Variants in NALF1 observed in about 807,000 individuals in gnomAD.
NALF1 encodes NALCN channel auxiliary factor 1, also known as family with sequence similarity 155 member A.
NALF1 carries 3 observed loss-of-function variants against 48.4 expected under a neutral mutation model. That is an observed-to-expected ratio of 0.06 (90% CI 0.03 to 0.16). NALF1 has a LOEUF of 0.16. Ranked by LOEUF, NALF1 falls within the 10% of genes least tolerant of loss-of-function variation. NALF1 has a pLI of 1.00. For synonymous variants in NALF1, 262 were observed against 245.7 expected (o/e 1.07, Z -0.62); for missense variants, 526 against 571.5 (o/e 0.92, Z 0.81).
intron 1 of NALF1, among the ~76,000 whole-genome samples, chr13:107,853,834 G>A (rs1206860912): frequency 1.3e-5 from 2 of 152,094 alleles, no homozygotes; most frequent in Non-Finnish European, 2.9e-5. Context: ...TAAAAAGTTT[G>A]ATTTTTTCAA....
intron 1 of NALF1, among the ~76,000 whole-genome samples, chr13:107,576,115 C>T (rs1878139665): frequency 6.6e-6 from 1 of 152,082 alleles, no homozygotes; most frequent in African/African-American, 2.4e-5. Flanking sequence ...CAGGATCAAA[C>T]CTCATTATGT....
rs139984816 is a variant in NALF1 at position 107,267,091 on chromosome 13, G to A, written c.916-56336C>T. On this transcript the variant is annotated intron_variant, in intron 1 of 2. Coordinates refer to ENST00000375915, the MANE Select transcript of NALF1 (RefSeq NM_001080396.3). ...CTGTAGGGCCAGGTATACAATTCAA[G>A]TTTCCCCATAAGCACTTGGCTCTTG... Among the ~76,000 whole-genome samples, 9 of 152,322 alleles carry A rather than the reference G, an allele frequency of 5.9e-5. 1 individual carries two copies. In the East Asian group the frequency reaches 1.5e-3, roughly 26 times the overall value.
intron 1 of NALF1, among the ~76,000 whole-genome samples, chr13:107,266,115 C>T (rs1302828296): frequency 1.3e-5 from 2 of 152,104 alleles, no homozygotes; most frequent in African/African-American, 4.8e-5. Flanking sequence ...GCAATCAGGG[C>T]GACGTAACAT....
chr13:107,441,272 T>C (rs759957526), intron 1 of NALF1, among the ~76,000 whole-genome samples: 10 of 152,204 alleles, frequency 6.6e-5, no homozygotes, highest in Non-Finnish European at 1.5e-4. Context: ...AGACCAGACA[T>C]GACCACCTGA....
intron 1 of NALF1, among the ~76,000 whole-genome samples, chr13:107,861,162 A>T (rs1431505599): frequency 1.3e-5 from 2 of 152,220 alleles, no homozygotes; most frequent in African/African-American, 2.4e-5. Context: ...TAAACCATAA[A>T]CTAAAATGAT....
chr13:107,732,864 G>A (rs934717213), intron 1 of NALF1, among the ~76,000 whole-genome samples: 5 of 151,950 alleles, frequency 3.3e-5, no homozygotes, highest in South Asian at 2.1e-4. Context: ...TTCACTCTTC[G>A]TCCATAAAGA....
intron 1 of NALF1, among the ~76,000 whole-genome samples, chr13:107,597,551 CT>C (rs1265361074): frequency 6.6e-6 from 1 of 151,914 alleles, no homozygotes; most frequent in East Asian, 1.9e-4. Flanking sequence ...CTTCCCAGGG[CT>C]TTTGTTCTTA....
At position 107,572,367 on chromosome 13, in the gene NALF1, G is replaced by T. The variant is rs149886309; in HGVS notation, c.915+293315C>A. Reference sequence around the variant, plus strand: ...GGGATACTTACTGCCCATTATAAATGATTTGTTTTCCTAATTTCAAGCTGC... The same window carrying T: ...GGGATACTTACTGCCCATTATAAATTATTTGTTTTCCTAATTTCAAGCTGC... On this transcript the variant is annotated intron_variant, in intron 1 of 2. Transcript: ENST00000375915. Among the ~76,000 whole-genome samples, 909 of 152,128 alleles carry T rather than the reference G, an allele frequency of 6.0e-3. 6 individuals are homozygous for T. Among genetic ancestry groups the T allele is most frequent in the African/African-American group, 0.02 (832 of 41,480 alleles).
chr13:107,761,351 C>T (rs868165910), intron 1 of NALF1, among the ~76,000 whole-genome samples: 4 of 129,196 alleles, frequency 3.1e-5, no homozygotes, highest in South Asian at 2.8e-4. Flanking sequence ...AGCAGGACTC[C>T]GTCTCAAAAA....
intron 1 of NALF1, among the ~76,000 whole-genome samples, chr13:107,769,283 A>T (rs554318742): frequency 0.068 from 9,987 of 147,766 alleles, 387 homozygotes; most frequent in African/African-American, 0.092. Context: ...AAGACTTGGA[A>T]CCAACCCAAA....
intron 1 of NALF1, among the ~76,000 whole-genome samples, chr13:107,257,260 G>A (rs910815919): frequency 1.3e-5 from 2 of 152,214 alleles, no homozygotes; most frequent in South Asian, 2.1e-4. Context: ...ACACAGAGCC[G>A]AACCATGTTA....
At chr13:107,340,004 G>A (rs1165015310) in intron 1 of NALF1, among the ~76,000 whole-genome samples, 1 of 151,752 alleles carries the variant, frequency 6.6e-6, no homozygotes, top group Admixed American at 6.6e-5. Flanking sequence ...ATTGTCATTT[G>A]CAGTTAGACA....
intron 1 of NALF1, among the ~76,000 whole-genome samples, chr13:107,617,842 G>A (rs559108060): frequency 7.2e-5 from 11 of 152,000 alleles, no homozygotes; most frequent in East Asian, 5.8e-4. Context: ...TGACCCAATC[G>A]ACCATAATTC....
At chr13:107,438,539 C>T (rs917827347) in intron 1 of NALF1, among the ~76,000 whole-genome samples, 9 of 152,038 alleles carry the variant, frequency 5.9e-5, no homozygotes, top group Non-Finnish European at 1.0e-4. Context: ...CCCAGTGGCT[C>T]ATGCCTGTCA....
chr13:107,433,327 T>C (rs1884413338), intron 1 of NALF1, among the ~76,000 whole-genome samples: 1 of 152,214 alleles, frequency 6.6e-6, no homozygotes, highest in Non-Finnish European at 1.5e-5. Context: ...TGTCTATGGT[T>C]AGAATAAATG....
At chr13:107,324,524 A>G (rs1882314759) in intron 1 of NALF1, among the ~76,000 whole-genome samples, 1 of 152,092 alleles carries the variant, frequency 6.6e-6, no homozygotes, top group Admixed American at 6.6e-5. Context: ...TCACATGCAA[A>G]ATTCTAGAAG....
rs144617587 is a variant in NALF1, at chr13:107,586,333, T to C, written c.915+279349A>G. 7.0e-3 allele frequency among the ~76,000 whole-genome samples: 1,061 copies of C among 152,210 alleles called. 11 individuals carry two copies. Among genetic ancestry groups the C allele is most frequent in the South Asian group, 0.026 (126 of 4,832 alleles). On this transcript the variant is annotated intron_variant, in intron 1 of 2. Transcript: ENST00000375915. ...GAAAACACTGTAAAATGCAGTCTTA[T>C]ACCCCTTTACTAATAAAGATCCTGG...
intron 1 of NALF1, among the ~76,000 whole-genome samples, chr13:107,687,952 T>C (rs1024812350): frequency 1.3e-5 from 2 of 152,142 alleles, no homozygotes. Flanking sequence ...AAAAATATAT[T>C]TAATTTTCAA....
intron 1 of NALF1, among the ~76,000 whole-genome samples, chr13:107,744,568 A>T (rs1180158682): frequency 1.3e-5 from 2 of 152,224 alleles, no homozygotes; most frequent in Non-Finnish European, 2.9e-5. Flanking sequence ...GGAGTCCAGC[A>T]CCTGAATCTA....
Sources: allele counts gnomAD v4.1 joint callset (sites outside exome capture counted in the v4.1 genomes callset), GRCh38; gene constraint gnomAD v4.1.1; transcripts MANE v1.5; gene names NCBI Gene and HGNC (gene_info 2026-07-23, HGNC 2026-07-21).